TMEM221: variants seen among roughly 807,000 people sequenced by gnomAD.
TMEM221 encodes the protein Putative transmembrane protein ENSP00000342162.
In TMEM221, 11 loss-of-function variants were observed where a neutral mutation model predicts 10.2. The observed-to-expected ratio is 1.08, with a 90% CI of 0.68 to 1.79. The LOEUF is 1.79. Among genes scored for constraint, TMEM221 ranks in the 40% most tolerant of loss-of-function variants. The pLI is 0.00. For missense variants in TMEM221, 382 were observed against 417.7 expected, an observed-to-expected ratio of 0.91 and a Z score of 0.75; for synonymous variants, 172 against 199.8, an observed-to-expected ratio of 0.86 and a Z score of 1.18.
intron 2 of TMEM221, among the ~76,000 whole-genome samples, chr19:17,440,788 A>C (rs766504777): frequency 6.6e-6 from 1 of 152,118 alleles, no homozygotes; most frequent in Non-Finnish European, 1.5e-5. Context: ...GGTGAGGGTC[A>C]AGGTGGAGGA....
At position 17,448,569 on chromosome 19, in the gene TMEM221, C is replaced by G; in HGVS notation, c.-107G>C. On this transcript the variant is annotated 5_prime_UTR_variant, in exon 1 of 3. Coordinates refer to ENST00000341130, the MANE Select transcript of TMEM221 (RefSeq NM_001190844.2). This position sits in a 1 kb window ranked among gnomAD's most constrained non-coding sequence, Gnocchi z 4.7. Reference sequence around the variant, plus strand: ...GGTCCTCAGGGGGTCCCCGAGGGGGCGGGGCCGCAGGGAGTGTCTGAAAGT... The same window carrying G: ...GGTCCTCAGGGGGTCCCCGAGGGGGGGGGGCCGCAGGGAGTGTCTGAAAGT... 2.8e-5 allele frequency: 20 copies of G among 702,562 alleles called. No individual in the cohort carries two copies. The highest frequency in any genetic ancestry group is 1.1e-4 in the East Asian group (2 of 17,620). 43.5% of individuals were successfully genotyped at this position (702,562 alleles called of 1,614,324 possible). A position where few individuals can be genotyped will look rare whatever the true frequency, so the allele number is the denominator to read the frequency against.
rs2074907654 is a variant in TMEM221, at chr19:17,436,259, T to C, written c.*199A>G. On this transcript the variant is annotated 3_prime_UTR_variant, in exon 3 of 3. Transcript: ENST00000341130. ...AGGAGACACCTAGCCAGCGCTGGCC[T>C]CTGACTTTCCCTCAGAATGAGGAGG... 8.7e-6 allele frequency: 5 copies of C among 573,772 alleles called. No individual in the cohort carries two copies. Among genetic ancestry groups the C allele is most frequent in the Non-Finnish European group, 1.5e-5 (5 of 336,038 alleles). 35.5% of individuals were successfully genotyped at this position (573,772 alleles called of 1,614,324 possible). A position where few individuals can be genotyped will look rare whatever the true frequency, so the allele number is the denominator to read the frequency against.
chr19:17,436,802 C>G lies in TMEM221; in HGVS notation c.532G>C (p.Ala178Pro). The change falls in exon 3 of 3, where the codon GCT (alanine) becomes CCT (proline). Residue 178 changes from alanine to proline, a missense_variant. By Grantham distance (27) the Ala-to-Pro change is conservative. Transcript: ENST00000341130. ...AACTCATGGAGCCCACGGCGGGCAG[C>G]CCGGGCAGCCCGGAGGAGAGTGTGG... ...LTHTLLRAAR[A>P]ARRGLHELSP... The G allele has an allele frequency of 6.0e-6, 9 of 1,510,436 alleles. No homozygotes were observed. Among genetic ancestry groups the G allele is most frequent in the Non-Finnish European group, 8.0e-6 (9 of 1,131,614 alleles). The allele number at this position is 1,510,436 out of a possible 1,614,324, so 93.6% of individuals were successfully genotyped here.
chr19:17,440,843 G>GC (rs1211204546), intron 2 of TMEM221, among the ~76,000 whole-genome samples: 3 of 152,130 alleles, frequency 2.0e-5, no homozygotes, highest in Non-Finnish European at 4.4e-5. Flanking sequence ...GGTTTGCCAC[G>GC]CCCCAGGCTT....
chr19:17,445,093 G>T, intron 2 of TMEM221, 106 bp downstream of exon 2: 1 of 1,024,998 alleles, frequency 9.8e-7, no homozygotes, highest in Non-Finnish European at 1.4e-6. Flanking sequence ...AGAGCCTGGA[G>T]TTGAACTCAA....
chr19:17,436,954 T>G, intron 2 of TMEM221, 27 bp from the exon 3 acceptor site: 1 of 1,381,188 alleles, frequency 7.2e-7, no homozygotes, highest in Non-Finnish European at 9.4e-7. Flanking sequence ...CTCTCATTTA[T>G]TCAGTCAACA....
At chr19:17,446,303 C>T (rs1171206551) in intron 1 of TMEM221, among the ~76,000 whole-genome samples, 1 of 152,188 alleles carries the variant, frequency 6.6e-6, no homozygotes, top group African/African-American at 2.4e-5. Context: ...CTCAAACACT[C>T]AACACTCAGG....
chr19:17,437,734 A>T (rs2074915145), intron 2 of TMEM221, among the ~76,000 whole-genome samples: 1 of 152,080 alleles, frequency 6.6e-6, no homozygotes, highest in Admixed American at 6.6e-5. Context: ...TCTGAACAAA[A>T]AGAAAAGAAA....
chr19:17,443,105 C>A (rs1038860994), intron 2 of TMEM221, among the ~76,000 whole-genome samples: 50 of 151,596 alleles, frequency 3.3e-4, no homozygotes, highest in Middle Eastern at 3.4e-3. Flanking sequence ...CACGGTGAAA[C>A]CCCGTCTCTA....
intron 2 of TMEM221, among the ~76,000 whole-genome samples, chr19:17,442,417 C>G (rs372291263): frequency 4.0e-5 from 6 of 149,442 alleles, no homozygotes; most frequent in African/African-American, 1.5e-4. Flanking sequence ...AACCACCATG[C>G]CTGGCTAATT....
Position 17,436,242 on chromosome 19 carries a change from C to G in TMEM221, c.*216G>C. 1.9e-6 allele frequency: 1 copy of G among 530,116 alleles called. No individual in the cohort carries two copies. The highest frequency in any genetic ancestry group is 3.2e-5 in the South Asian group (1 of 31,358). 32.8% of individuals were successfully genotyped at this position (530,116 alleles called of 1,614,324 possible). The stretch of plus-strand genomic sequence containing the variant: ...TTCCTGGGAAGACTTCCAGGAGACA[C>G]CTAGCCAGCGCTGGCCTCTGACTTT... On this transcript the variant is annotated 3_prime_UTR_variant, in exon 3 of 3. Coordinates refer to ENST00000341130, the MANE Select transcript of TMEM221 (RefSeq NM_001190844.2).
At chr19:17,438,878 A>G (rs1468314592) in intron 2 of TMEM221, among the ~76,000 whole-genome samples, 3 of 38,124 alleles carry the variant, frequency 7.9e-5, no homozygotes, top group South Asian at 3.6e-3. Context: ...GATTACAGGC[A>G]TTAGCCACTG....
At chr19:17,445,073 A>G in intron 2 of TMEM221, 126 bp downstream of exon 2, 1 of 821,794 alleles carries the variant, frequency 1.2e-6, no homozygotes, top group South Asian at 1.6e-5. Flanking sequence ...CACCAAAGCA[A>G]AGAAGTGTCA....
chr19:17,439,729 G>A (rs546174300), intron 2 of TMEM221, among the ~76,000 whole-genome samples: 1 of 151,978 alleles, frequency 6.6e-6, no homozygotes, highest in East Asian at 1.9e-4. Context: ...AATCCATAGA[G>A]ACAGACAGTA....
chr19:17,436,515 C>T lies in TMEM221; in HGVS notation c.819G>A (p.Met273Ile), dbSNP rs1032015769. Residue 273 changes from methionine (M) to isoleucine (I), a missense_variant, in exon 3 of 3, where the codon ATG becomes ATA. By Grantham distance (10) the Met-to-Ile change is conservative. Transcript: ENST00000341130. ...LGHWDGVTHE[M>I]RRMLGHRPGS... ...CTGGTCTGTGGCCCAGCATTCGACG[C>T]ATCTCGTGCGTAACCCCGTCCCAGT... 8.5e-6 allele frequency: 13 copies of T among 1,535,564 alleles called. No individual in the cohort carries two copies. The highest frequency in any genetic ancestry group is 1.1e-5 in the Non-Finnish European group (13 of 1,146,534).
At chr19:17,437,022 G>T in intron 2 of TMEM221, 95 bp from the exon 3 acceptor site, 1 of 940,022 alleles carries the variant, frequency 1.1e-6, no homozygotes, top group Non-Finnish European at 1.5e-6. Context: ...ATTACGAAAA[G>T]CCCTGCCACA....
chr19:17,436,303 C>T lies in TMEM221; in HGVS notation c.*155G>A, dbSNP rs929298838. On this transcript the variant is annotated 3_prime_UTR_variant, in exon 3 of 3. Transcript: ENST00000341130. ...GAGGAGGTGAAGGCTGGAGCTCTGG[C>T]AATTATTTTGTGCCACGAGGCAACC... 4.3e-6 allele frequency: 3 copies of T among 704,602 alleles called. No individual in the cohort carries two copies. The highest frequency in any genetic ancestry group is 6.7e-6 in the Non-Finnish European group (3 of 448,116). The allele number at this position is 704,602 out of a possible 1,614,324, so 43.6% of individuals were successfully genotyped here.
At chr19:17,445,505 C>T (rs768854773) in intron 1 of TMEM221, among the ~76,000 whole-genome samples, 5 of 152,142 alleles carry the variant, frequency 3.3e-5, no homozygotes, top group African/African-American at 4.8e-5. Context: ...CATCCATCAG[C>T]TCATGTATCC....
chr19:17,448,625 A>C lies in TMEM221; in HGVS notation c.-163T>G. 3 of 416,136 alleles carry C rather than the reference A, an allele frequency of 7.2e-6. No homozygotes were observed. Among genetic ancestry groups the C allele is most frequent in the Non-Finnish European group, 8.1e-6 (2 of 247,452 alleles). 25.8% of individuals were successfully genotyped at this position (416,136 alleles called of 1,614,324 possible). ...GACTGGGCTGGGGGTCGCCAGACGG[A>C]CGGGGGCTCCGGGGTGCTGGTCGCA... On this transcript the variant is annotated 5_prime_UTR_variant, in exon 1 of 3. Coordinates refer to ENST00000341130, the MANE Select transcript of TMEM221 (RefSeq NM_001190844.2). This position sits in a 1 kb window ranked among gnomAD's most constrained non-coding sequence, Gnocchi z 4.7.
Sources: gnomAD v4.1 joint callset for allele counts (sites outside exome capture counted in the v4.1 genomes callset) on GRCh38, gnomAD v4.1.1 for gene constraint, Gnocchi (gnomAD v3.1) non-coding constraint, MANE v1.5 for transcripts, NCBI Gene and HGNC (gene_info 2026-07-23, HGNC 2026-07-21) for gene names.